The following PABPC1 variants were observed in gnomAD, a reference collection of about 807,000 sequenced individuals.
PABPC1 encodes poly(A) binding protein cytoplasmic 1.
A neutral mutation model predicts 74.0 loss-of-function variants in PABPC1; 4 were observed. The observed-to-expected ratio is 0.05, with a 90% CI of 0.03 to 0.12. The LOEUF is 0.12. Among genes scored for constraint, PABPC1 ranks in the 10% least tolerant of loss-of-function variants. The pLI is 1.00. For synonymous variants in PABPC1, 227 were observed against 264.1 expected, an observed-to-expected ratio of 0.86 and a Z score of 1.36; for missense variants, 271 against 821.1, an observed-to-expected ratio of 0.33 and a Z score of 8.19.
intron 1 of PABPC1, among the ~76,000 whole-genome samples, chr8:100,720,703 T>G (rs1810798839): frequency 6.6e-6 from 1 of 152,210 alleles, no homozygotes; most frequent in South Asian, 2.1e-4. Context: ...CCTTTTAATG[T>G]TAGAGAAATG....
At position 100,703,019 on chromosome 8, in the gene PABPC1, G is replaced by A. The variant is rs571022332; in HGVS notation, c.*342C>T. 1.7e-4 allele frequency: 27 copies of A among 156,656 alleles called. No individual in the cohort carries two copies. In the East Asian group the frequency reaches 4.6e-3, roughly 27 times the overall value. 9.7% of individuals were successfully genotyped at this position (156,656 alleles called of 1,614,324 possible). On this transcript the variant is annotated 3_prime_UTR_variant, in exon 15 of 15. Coordinates refer to ENST00000318607, the MANE Select transcript of PABPC1 (RefSeq NM_002568.4). Reference sequence around the variant, plus strand: ...ACTTAAAACAGAACTGACATTCTGAGCTATTCCACAGTAAAGAATTACAAA... The same window carrying A: ...ACTTAAAACAGAACTGACATTCTGAACTATTCCACAGTAAAGAATTACAAA...
intron 1 of PABPC1, among the ~76,000 whole-genome samples, chr8:100,720,963 T>C (rs1277841966): frequency 2.6e-5 from 4 of 152,120 alleles, no homozygotes; most frequent in Non-Finnish European, 5.9e-5. Flanking sequence ...AGCACAGAAC[T>C]GCACTTCCTC....
chr8:100,717,049 C>T (rs942849416), intron 3 of PABPC1, among the ~76,000 whole-genome samples: 30 of 152,022 alleles, frequency 2.0e-4, no homozygotes, highest in African/African-American at 7.2e-4. Context: ...TCAATCTTGT[C>T]GCCCAGACTG....
chr8:100,718,874 G>T (rs1260168313), intron 1 of PABPC1, among the ~76,000 whole-genome samples: 1 of 152,138 alleles, frequency 6.6e-6, no homozygotes, highest in Non-Finnish European at 1.5e-5. Flanking sequence ...AAAATGAAAG[G>T]CTAGACCAAG....
At chr8:100,718,682 G>C (rs1275630216) in intron 1 of PABPC1, among the ~76,000 whole-genome samples, 1 of 152,074 alleles carries the variant, frequency 6.6e-6, no homozygotes, top group Non-Finnish European at 1.5e-5. Flanking sequence ...TCTACAAGCT[G>C]GAAGTAGTTT....
At chr8:100,720,871 C>T (rs778533111) in intron 1 of PABPC1, among the ~76,000 whole-genome samples, 3 of 152,206 alleles carry the variant, frequency 2.0e-5, no homozygotes, top group Non-Finnish European at 4.4e-5. Context: ...TGGTGGCTCC[C>T]CCAGGCGACT....
intron 9 of PABPC1, among the ~76,000 whole-genome samples, chr8:100,707,922 G>A (rs887694278): frequency 1.3e-5 from 2 of 152,242 alleles, no homozygotes; most frequent in Non-Finnish European, 2.9e-5. Flanking sequence ...GCCCTGTCTG[G>A]GCATAACAGA....
rs1356973104 is a variant in PABPC1, at chr8:100,721,619, C to A, written c.-36G>T. On this transcript the variant is annotated 5_prime_UTR_variant, in exon 1 of 15. Transcript: ENST00000318607. The surrounding 1 kb of genome is among the most constrained non-coding windows in gnomAD (Gnocchi z 7.4). ...CTGCCCGCAGGGCCACAGGCCGCGACCTTTCCGTGAGAGGAGGAGAGCGAG... is the reference window on the plus strand; with the variant it reads ...CTGCCCGCAGGGCCACAGGCCGCGAACTTTCCGTGAGAGGAGGAGAGCGAG... 6.9e-7 allele frequency: 1 copy of A among 1,455,746 alleles called. No individual in the cohort carries two copies. Among genetic ancestry groups the A allele is most frequent in the Non-Finnish European group, 9.2e-7 (1 of 1,088,342 alleles). 90.2% of individuals were successfully genotyped at this position (1,455,746 alleles called of 1,614,324 possible).
chr8:100,718,824 G>C (rs1265170544), intron 1 of PABPC1, among the ~76,000 whole-genome samples: 1 of 152,162 alleles, frequency 6.6e-6, no homozygotes, highest in East Asian at 1.9e-4. Flanking sequence ...ATTGGGGGGA[G>C]GGAGGGTTTC....
rs1376789306 is a variant in PABPC1, at chr8:100,721,626, G to C, written c.-43C>G. 1 of 1,415,796 alleles carries C rather than the reference G, an allele frequency of 7.1e-7. No individual in the cohort carries two copies. 87.7% of individuals were successfully genotyped at this position (1,415,796 alleles called of 1,614,324 possible). A position where few individuals can be genotyped will look rare whatever the true frequency, so the allele number is the denominator to read the frequency against. ...CAGGGCCACAGGCCGCGACCTTTCC[G>C]TGAGAGGAGGAGAGCGAGTGCCGGG... On this transcript the variant is annotated 5_prime_UTR_variant, in exon 1 of 15. Transcript: ENST00000318607. This position sits in a 1 kb window ranked among gnomAD's most constrained non-coding sequence, Gnocchi z 7.4.
At chr8:100,712,502 G>C (rs1432280854) in intron 6 of PABPC1, 45 bp from the exon 7 acceptor site, 1 of 1,466,166 alleles carries the variant, frequency 6.8e-7, no homozygotes, top group Non-Finnish European at 9.4e-7. Flanking sequence ...AACCATGGTG[G>C]TACCTAAGTA....
intron 1 of PABPC1, among the ~76,000 whole-genome samples, chr8:100,720,836 G>A (rs911755490): frequency 1.3e-5 from 2 of 152,156 alleles, no homozygotes; most frequent in African/African-American, 2.4e-5. Context: ...ACCACACATC[G>A]CCACAGGAAC....
intron 4 of PABPC1, among the ~76,000 whole-genome samples, chr8:100,715,083 G>A (rs1161832540): frequency 6.6e-6 from 1 of 151,450 alleles, no homozygotes; most frequent in East Asian, 1.9e-4. Context: ...TAGGCTGGCT[G>A]TGTCAAATAT....
At chr8:100,716,507 A>G (rs766749382) in intron 3 of PABPC1, among the ~76,000 whole-genome samples, 3 of 152,104 alleles carry the variant, frequency 2.0e-5, no homozygotes, top group Non-Finnish European at 4.4e-5. Flanking sequence ...ACATAATCTC[A>G]CCCTAGTCAT....
intron 1 of PABPC1, among the ~76,000 whole-genome samples, chr8:100,720,649 G>A (rs760549405): frequency 3.3e-5 from 5 of 152,184 alleles, no homozygotes; most frequent in Admixed American, 6.5e-5. Flanking sequence ...GAGAAAACTG[G>A]CCTTCAAAGT....
chr8:100,718,579 T>C (rs79631440), intron 1 of PABPC1, among the ~76,000 whole-genome samples: 6,677 of 152,344 alleles, frequency 0.044, 499 homozygotes, highest in African/African-American at 0.15. Context: ...CCATTAAATC[T>C]AAAGCACTTT....
In PABPC1 at chr8:100,709,223, T is replaced by G. The variant is rs754574528; in HGVS notation, c.1246A>C (p.Thr416Pro). 1 of 1,581,066 alleles carries G rather than the reference T, an allele frequency of 6.3e-7. No individual in the cohort carries two copies. Among genetic ancestry groups the G allele is most frequent in the East Asian group, 2.3e-5 (1 of 44,182 alleles). Residue 416 changes from threonine to proline, a missense_variant and splice_region_variant, in exon 9 of 15, where the codon ACT becomes CCT. Thr to Pro is a conservative substitution (Grantham distance 38, BLOSUM62 -1). Around this residue, in one of 7 missense-constraint regions of PABPC1, gnomAD observed 103 missense variants for 245.3 expected, o/e 0.42. Transcript: ENST00000318607. ...GGATAGTATGCAGCACGGTTCTGAGTCTGCAGGGAAAAAAAGCACATGAGT... is the reference window on the plus strand; with the variant it reads ...GGATAGTATGCAGCACGGTTCTGAGGCTGCAGGGAAAAAAAGCACATGAGT... ...SGYFMAAIPQ[T>P]QNRAAYYPPS...
chr8:100,715,833 T>C (rs943827273), intron 3 of PABPC1, among the ~76,000 whole-genome samples: 2 of 152,186 alleles, frequency 1.3e-5, no homozygotes, highest in African/African-American at 4.8e-5. Flanking sequence ...TACACACTTC[T>C]CTTCTCTAGC....
Position 100,721,331 on chromosome 8 carries a change from C to G in PABPC1, c.193+60G>C. 3.9e-6 allele frequency: 4 copies of G among 1,029,836 alleles called. No individual in the cohort carries two copies. The highest frequency in any genetic ancestry group is 4.9e-6 in the Non-Finnish European group (4 of 821,210). 63.8% of individuals were successfully genotyped at this position (1,029,836 alleles called of 1,614,324 possible). ...GCCCGCCGGCCTACCCCGCCCGCCG[C>G]CGCCGCCCGAGCCTCATGGCCGCCC... is the stretch of plus-strand genomic sequence containing the variant. On this transcript the variant is annotated intron_variant, in intron 1 of 14. Transcript: ENST00000318607. This position sits in a 1 kb window ranked among gnomAD's most constrained non-coding sequence, Gnocchi z 7.4.
Sources: allele counts gnomAD v4.1 joint callset (sites outside exome capture counted in the v4.1 genomes callset), GRCh38; gene constraint gnomAD v4.1.1; regional missense constraint gnomAD v4.1.1; non-coding constraint Gnocchi (gnomAD v3.1); transcripts MANE v1.5; gene names NCBI Gene and HGNC (gene_info 2026-07-23, HGNC 2026-07-21).